The following VWF variants were observed in gnomAD, a reference collection of about 807,000 sequenced individuals.
The protein encoded by VWF is Factor VIII related antigen.
In VWF, 176 loss-of-function variants were observed where a neutral mutation model predicts 308.6. That is an observed-to-expected ratio of 0.57 (90% confidence interval 0.50 to 0.65). The LOEUF is 0.65. VWF is among the 30% of genes least tolerant of loss of function. VWF has a pLI of 0.00. For missense variants in VWF, 3,146 were observed against 3,648.2 expected (o/e 0.86, Z 3.55); for synonymous variants, 1,385 against 1,443.4 (o/e 0.96, Z 0.92).
At chr12:6,117,378 G>T (rs777397871) in intron 3 of VWF, among the ~76,000 whole-genome samples, 28 of 152,300 alleles carry the variant, frequency 1.8e-4, no homozygotes, top group Non-Finnish European at 4.4e-5. Context: ...TTATGAGGGG[G>T]AGTTGAAACT....
At chr12:6,036,534 G>C (rs1423685702) in intron 18 of VWF, 43 bp from the exon 19 acceptor site, 3 of 1,579,958 alleles carry the variant, frequency 1.9e-6, no homozygotes, top group Non-Finnish European at 2.6e-6. Flanking sequence ...CACAGTGACT[G>C]ATCTAAAGCC....
At chr12:5,961,789 A>G (rs1943320134) in intron 47 of VWF, among the ~76,000 whole-genome samples, 1 of 152,144 alleles carries the variant, frequency 6.6e-6, no homozygotes, top group Admixed American at 6.6e-5. Flanking sequence ...CATCTACACA[A>G]AAAAAATCAT....
intron 38 of VWF, among the ~76,000 whole-genome samples, chr12:5,988,109 G>T (rs1029299327): frequency 6.6e-6 from 1 of 152,218 alleles, no homozygotes; most frequent in Admixed American, 6.5e-5. Flanking sequence ...AGCACAGGAA[G>T]ACTTGGGCAA....
intron 3 of VWF, among the ~76,000 whole-genome samples, chr12:6,114,282 GC>G (rs1945341436): frequency 6.6e-6 from 1 of 152,252 alleles, no homozygotes; most frequent in East Asian, 1.9e-4. Flanking sequence ...GGTTGGCATG[GC>G]CCTGTGGCTG....
At chr12:6,111,688 C>T (rs915173295) in intron 3 of VWF, among the ~76,000 whole-genome samples, 3 of 151,848 alleles carry the variant, frequency 2.0e-5, no homozygotes, top group South Asian at 2.1e-4. Flanking sequence ...CGGTGGCTCA[C>T]GCCTGTAATC....
At chr12:6,050,242 C>G (rs1944494328) in intron 16 of VWF, among the ~76,000 whole-genome samples, 1 of 152,198 alleles carries the variant, frequency 6.6e-6, no homozygotes, top group Non-Finnish European at 1.5e-5. Flanking sequence ...GCAACAGCCC[C>G]TCCTCCTCTC....
At chr12:5,965,554 C>T (rs1402350130) in intron 47 of VWF, among the ~76,000 whole-genome samples, 9 of 152,196 alleles carry the variant, frequency 5.9e-5, no homozygotes, top group Non-Finnish European at 1.3e-4. Context: ...AGCTGTCAAG[C>T]CTCATCTCAA....
rs141921218 is a variant in VWF, at chr12:5,993,633, ATGTGTG to A, written c.6598+223_6598+228del. On this transcript the variant is annotated intron_variant, in intron 37 of 51. Transcript: ENST00000261405. ...TATGTGTGTATATATATACATATAT[ATGTGTG>A]TGTGTGTGTGTATATATATATATAT... 2.8e-5 allele frequency among the ~76,000 whole-genome samples: 4 copies of A among 143,626 alleles called. No homozygotes were observed. In the South Asian group the frequency reaches 6.6e-4, roughly 24 times the overall value. The allele number at this position is 143,626 out of a possible 152,430, so 94.2% of individuals were successfully genotyped here.
chr12:6,080,021 C>T (rs1944891846), intron 6 of VWF, among the ~76,000 whole-genome samples: 1 of 152,040 alleles, frequency 6.6e-6, no homozygotes, highest in South Asian at 2.1e-4. Flanking sequence ...CCTGCATTTC[C>T]CCCTTCTTTG....
chr12:6,065,626 G>A (rs971647846), intron 10 of VWF, among the ~76,000 whole-genome samples: 17 of 152,164 alleles, frequency 1.1e-4, no homozygotes, highest in Non-Finnish European at 2.9e-5. Context: ...CATGTCCCAC[G>A]CTACCTGCTG....
At chr12:6,057,771 T>G in intron 14 of VWF, 78 bp downstream of exon 14, 1 of 1,483,914 alleles carries the variant, frequency 6.7e-7, no homozygotes, top group Admixed American at 2.3e-5. Context: ...GTGGGAGCAC[T>G]GCCTCCGGAA....
chr12:6,011,603 A>T lies in VWF; in HGVS notation c.5842+14T>A, dbSNP rs1283763436. The T allele has an allele frequency of 6.3e-7, 1 of 1,598,368 alleles. No homozygotes were observed. Among genetic ancestry groups the T allele is most frequent in the Non-Finnish European group, 8.5e-7 (1 of 1,173,908 alleles). ...CCTTTGACGCTGCCCTGGCTGGAGA[A>T]GCAAAGGACTCACAGGGGCAGGTCC... On this transcript the variant is annotated intron_variant, in intron 34 of 51. Transcript: ENST00000261405.
At position 6,056,894 on chromosome 12, in the gene VWF, T is replaced by C; in HGVS notation, c.1908A>G (p.Arg636=). The C allele has an allele frequency of 2.0e-6, 3 of 1,515,896 alleles. No homozygotes were observed. Among genetic ancestry groups the C allele is most frequent in the Non-Finnish European group, 2.6e-6 (3 of 1,139,052 alleles). The allele number at this position is 1,515,896 out of a possible 1,614,324, so 93.9% of individuals were successfully genotyped here. A position where few individuals can be genotyped will look rare whatever the true frequency, so the allele number is the denominator to read the frequency against. ...LASYAAACAG[R]GVRVAWREPG... ...GCTCGCGCCACGCGACGCGCACGCCTCTCCCCGCGCAGGCCGCGGCATAGC... is the reference window on the plus strand; with the variant it reads ...GCTCGCGCCACGCGACGCGCACGCCCCTCCCCGCGCAGGCCGCGGCATAGC... The change falls in exon 15 of 52, where the codon AGA becomes AGG. Residue 636 remains arginine, a synonymous_variant. Transcript: ENST00000261405.
At chr12:5,986,228 T>G (rs1943678995) in intron 38 of VWF, among the ~76,000 whole-genome samples, 1 of 152,128 alleles carries the variant, frequency 6.6e-6, no homozygotes, top group Non-Finnish European at 1.5e-5. Context: ...GGCTTTGAAG[T>G]CAGGAACTCC....
chr12:6,101,436 TA>T (rs368352820), intron 5 of VWF, among the ~76,000 whole-genome samples: 18,329 of 144,348 alleles, frequency 0.13, 3,424 homozygotes, highest in African/African-American at 0.41. Flanking sequence ...ATAAAGAGCT[TA>T]AAAAAAAAAA....
rs1944173673 is a variant in VWF at position 6,024,957 on chromosome 12, AG to A, written c.3222+622del. On this transcript the variant is annotated intron_variant, in intron 24 of 51. Coordinates refer to ENST00000261405, the MANE Select transcript of VWF (RefSeq NM_000552.5). This position sits in a 1 kb window ranked among gnomAD's most constrained non-coding sequence, Gnocchi z 4.0. ...AGAATCGCTTGAGCCCAGGAGGCAG[AG>A]GCTGCACTAAGCCAAGATCATGCCA... 6.6e-6 allele frequency among the ~76,000 whole-genome samples: 1 copy of A among 151,334 alleles called. No individual in the cohort carries two copies. Among genetic ancestry groups the A allele is most frequent in the Non-Finnish European group, 1.5e-5 (1 of 67,932 alleles).
intron 25 of VWF, 112 bp downstream of exon 25, chr12:6,023,519 A>C: frequency 6.6e-7 from 1 of 1,505,144 alleles, no homozygotes. Flanking sequence ...CCCTACTAAC[A>C]CTCTGTCTTC....
At chr12:6,096,752 C>T (rs1945109625) in intron 5 of VWF, among the ~76,000 whole-genome samples, 1 of 152,152 alleles carries the variant, frequency 6.6e-6, no homozygotes, top group South Asian at 2.1e-4. Context: ...ACCTACATGG[C>T]CTAGTGCAAA....
intron 10 of VWF, among the ~76,000 whole-genome samples, chr12:6,068,835 C>CGGGT (rs1944751213): frequency 2.2e-5 from 2 of 91,310 alleles, no homozygotes; most frequent in Admixed American, 1.3e-4. Context: ...TTTTTTTTTG[C>CGGGT]GTGTGTGTGT....
Sources: allele counts gnomAD v4.1 joint callset (sites outside exome capture counted in the v4.1 genomes callset), GRCh38; gene constraint gnomAD v4.1.1; non-coding constraint Gnocchi (gnomAD v3.1); transcripts MANE v1.5; gene names NCBI Gene and HGNC (gene_info 2026-07-23, HGNC 2026-07-21).